The following AFG2A variants were observed in gnomAD, a reference collection of about 807,000 sequenced individuals.
The protein encoded by AFG2A is ATPase family gene 2 protein homolog A.
the AFG2A span, among the ~76,000 whole-genome samples, chr4:123,305,216 T>A: frequency 6.6e-6 from 1 of 152,218 alleles, no homozygotes; most frequent in African/African-American, 2.4e-5. Context: ...GGACCTTTGT[T>A]ACCCTTCCAC....
chr4:123,207,187 C>G, the AFG2A span, among the ~76,000 whole-genome samples: 3 of 151,896 alleles, frequency 2.0e-5, no homozygotes, highest in Non-Finnish European at 4.4e-5. Context: ...AGTTGTTCTA[C>G]GTAAAAGTGA....
At chr4:122,962,385 A>G in the AFG2A span, among the ~76,000 whole-genome samples, 2 of 152,324 alleles carry the variant, frequency 1.3e-5, no homozygotes, top group South Asian at 2.1e-4. Context: ...AAATGTAGTT[A>G]TAGAATGTTA....
At chr4:123,003,239 C>A in the AFG2A span, among the ~76,000 whole-genome samples, 1 of 152,102 alleles carries the variant, frequency 6.6e-6, no homozygotes, top group Non-Finnish European at 1.5e-5. Context: ...ACTTCTTTGC[C>A]TTTGGTTTGA....
At chr4:123,292,660 G>A in the AFG2A span, among the ~76,000 whole-genome samples, 1 of 152,184 alleles carries the variant, frequency 6.6e-6, no homozygotes, top group Non-Finnish European at 1.5e-5. Flanking sequence ...TCTTTGCACA[G>A]TGGCTTTCTC....
the AFG2A span, among the ~76,000 whole-genome samples, chr4:122,941,699 C>T: frequency 4.6e-5 from 7 of 151,756 alleles, no homozygotes; most frequent in African/African-American, 1.7e-4. Flanking sequence ...AGAGGGCATC[C>T]CTGTCTTGTG....
chr4:123,105,639 A>G, the AFG2A span, among the ~76,000 whole-genome samples: 1 of 152,172 alleles, frequency 6.6e-6, no homozygotes, highest in East Asian at 1.9e-4. Flanking sequence ...GGAGTCTAGA[A>G]GAAGTTGATT....
At chr4:123,275,948 A>C in the AFG2A span, among the ~76,000 whole-genome samples, 1 of 152,088 alleles carries the variant, frequency 6.6e-6, no homozygotes, top group African/African-American at 2.4e-5. Flanking sequence ...TGCTACAGTG[A>C]ACATACATGT....
the AFG2A span, among the ~76,000 whole-genome samples, chr4:123,071,705 C>G: frequency 6.6e-6 from 1 of 151,982 alleles, no homozygotes; most frequent in Non-Finnish European, 1.5e-5. Context: ...TAATAGCTGA[C>G]AAAGGTAACT....
At chr4:122,960,408 G>C in the AFG2A span, among the ~76,000 whole-genome samples, 9 of 152,298 alleles carry the variant, frequency 5.9e-5, no homozygotes, top group South Asian at 1.9e-3. Flanking sequence ...TCCAAATATA[G>C]GGATTTATTA....
chr4:123,138,342 T>C, the AFG2A span, among the ~76,000 whole-genome samples: 1 of 152,074 alleles, frequency 6.6e-6, no homozygotes, highest in Non-Finnish European at 1.5e-5. Flanking sequence ...TGTATTTTAC[T>C]TAAGATAATA....
chr4:123,104,816 G>A, the AFG2A span, among the ~76,000 whole-genome samples: 1 of 152,188 alleles, frequency 6.6e-6, no homozygotes, highest in Non-Finnish European at 1.5e-5. Flanking sequence ...GAAAGGTCAG[G>A]AAGCTGCAGA....
At chr4:123,305,459 G>A in the AFG2A span, among the ~76,000 whole-genome samples, 2 of 152,120 alleles carry the variant, frequency 1.3e-5, no homozygotes, top group African/African-American at 4.8e-5. Flanking sequence ...ACATGCTGAC[G>A]CTACCCAGGT....
At chr4:123,241,079 C>A in the AFG2A span, among the ~76,000 whole-genome samples, 3 of 152,108 alleles carry the variant, frequency 2.0e-5, no homozygotes, top group South Asian at 6.2e-4. Context: ...CAAGACTAAA[C>A]CAGGAAGAAG....
chr4:123,015,865 C>A, the AFG2A span, among the ~76,000 whole-genome samples: 66 of 22,002 alleles, frequency 3.0e-3, no homozygotes, highest in East Asian at 0.029. Context: ...GGGGGCTGAC[C>A]CCCCCACCTC....
At chr4:123,234,430 T>C in the AFG2A span, among the ~76,000 whole-genome samples, 222 of 152,240 alleles carry the variant, frequency 1.5e-3, no homozygotes, top group Middle Eastern at 0.014. Context: ...AAAGCACTTA[T>C]TACAGTTCTG....
At chr4:123,132,563 TAGA>T in the AFG2A span, among the ~76,000 whole-genome samples, 3,009 of 148,574 alleles carry the variant, frequency 0.02, 60 homozygotes, top group Non-Finnish European at 0.034. Flanking sequence ...TGTTCATTGA[TAGA>T]AGAATGGACG....
the AFG2A span, among the ~76,000 whole-genome samples, chr4:123,257,192 C>T: frequency 6.6e-6 from 1 of 151,984 alleles, no homozygotes; most frequent in Non-Finnish European, 1.5e-5. Context: ...TAACAACAAC[C>T]AAAATAAATC....
the AFG2A span, among the ~76,000 whole-genome samples, chr4:123,084,977 G>A: frequency 2.0e-5 from 3 of 150,320 alleles, no homozygotes; most frequent in Admixed American, 6.6e-5. Context: ...TTTTTCCTTT[G>A]TATTACAAGT....
the AFG2A span, among the ~76,000 whole-genome samples, chr4:123,255,286 C>A: frequency 1.3e-5 from 2 of 152,046 alleles, no homozygotes; most frequent in South Asian, 4.1e-4. Context: ...TCTGGGAGAC[C>A]AAGGCAGGCA....
Sources: allele counts gnomAD v4.1 joint callset (sites outside exome capture counted in the v4.1 genomes callset), GRCh38; gene constraint gnomAD v4.1.1; transcripts MANE v1.5; gene names NCBI Gene and HGNC (gene_info 2026-07-23, HGNC 2026-07-21).